The following ZNF407 variants were observed in gnomAD, a reference collection of about 807,000 sequenced individuals.
ZNF407 encodes zinc finger protein 407.
Under a neutral mutation model 131.2 loss-of-function variants are expected in ZNF407, and 17 were observed. The ratio of observed to expected loss-of-function variants is 0.13; its 90% CI spans 0.09 to 0.19. ZNF407 has a LOEUF of 0.19. Ranked by LOEUF, ZNF407 falls within the 10% of genes least tolerant of loss-of-function variation. The pLI is 1.00. For missense variants in ZNF407, 2,681 were observed against 2,830.6 expected, an observed-to-expected ratio of 0.95 and a Z score of 1.20; for synonymous variants, 1,156 against 1,062.0, an observed-to-expected ratio of 1.09 and a Z score of -1.72.
chr18:74,923,747 T>C (rs1463656643), intron 8 of ZNF407, among the ~76,000 whole-genome samples: 3 of 152,204 alleles, frequency 2.0e-5, no homozygotes, highest in Non-Finnish European at 4.4e-5. Flanking sequence ...TTATGAAATA[T>C]TTCTTAGTAG....
At chr18:74,968,749 A>C (rs998338062) in intron 8 of ZNF407, among the ~76,000 whole-genome samples, 2 of 152,124 alleles carry the variant, frequency 1.3e-5, no homozygotes, top group African/African-American at 4.8e-5. Flanking sequence ...TTAATTATGA[A>C]GTGTCTTTAC....
chr18:74,931,838 T>C (rs985282737), intron 8 of ZNF407, among the ~76,000 whole-genome samples: 5 of 152,236 alleles, frequency 3.3e-5, no homozygotes, highest in Non-Finnish European at 5.9e-5. Context: ...TCTGTATATT[T>C]TCTTTGATGA....
intron 4 of ZNF407, among the ~76,000 whole-genome samples, chr18:74,820,214 G>A (rs1041526876): frequency 2.0e-5 from 3 of 152,192 alleles, no homozygotes; most frequent in African/African-American, 4.8e-5. Context: ...GGAGGTTTGC[G>A]TGTGCACAAA....
chr18:74,974,126 C>A (rs975637608), intron 8 of ZNF407, among the ~76,000 whole-genome samples: 1 of 152,138 alleles, frequency 6.6e-6, no homozygotes. Context: ...AATTTGTAAG[C>A]TCTACAACTG....
In ZNF407 at chr18:74,808,423, G is replaced by A. The variant is rs1306123468; in HGVS notation, c.4877+26921G>A. Among the ~76,000 whole-genome samples the A allele has an allele frequency of 3.3e-5, 5 of 152,268 alleles. No individual in the cohort carries two copies. In the East Asian group the frequency reaches 9.6e-4, roughly 29 times the overall value. On this transcript the variant is annotated intron_variant, in intron 4 of 8. Coordinates refer to ENST00000299687, the MANE Select transcript of ZNF407 (RefSeq NM_017757.3). The stretch of plus-strand genomic sequence containing the variant: ...CTATTAAAACGATTGAAACAACAAA[G>A]TCTATAAAGAGTTTGATAATTATTA...
chr18:74,976,625 A>G lies in ZNF407; in HGVS notation c.5428+55933A>G, dbSNP rs184863603. ...GGTAATTTAACAGCCTTTGACTACA[A>G]GGCATCAGTTGTTGTAGATGTCTGC... On this transcript the variant is annotated intron_variant, in intron 8 of 8. Transcript: ENST00000299687. 2.0e-4 allele frequency among the ~76,000 whole-genome samples: 31 copies of G among 152,338 alleles called. 1 individual carries two copies. The highest frequency in any genetic ancestry group is 1.5e-3 in the Admixed American group (23 of 15,312).
At chr18:75,005,991 T>C (rs553198730) in intron 8 of ZNF407, among the ~76,000 whole-genome samples, 1 of 152,254 alleles carries the variant, frequency 6.6e-6, no homozygotes, top group East Asian at 1.9e-4. Flanking sequence ...TTTCCATTTG[T>C]TGAATCTCCG....
chr18:74,831,610 G>T (rs1436124488), intron 4 of ZNF407, among the ~76,000 whole-genome samples: 1 of 152,076 alleles, frequency 6.6e-6, no homozygotes, highest in Non-Finnish European at 1.5e-5. Context: ...CCTTTTTAAG[G>T]CTGAATAATA....
chr18:75,056,246 C>A (rs1289494296), intron 8 of ZNF407, among the ~76,000 whole-genome samples: 1 of 152,150 alleles, frequency 6.6e-6, no homozygotes, highest in East Asian at 1.9e-4. Flanking sequence ...AAAAATAATT[C>A]TTAATCTTGT....
intron 8 of ZNF407, among the ~76,000 whole-genome samples, chr18:74,955,169 G>C (rs1972261693): frequency 6.6e-6 from 1 of 152,136 alleles, no homozygotes; most frequent in Non-Finnish European, 1.5e-5. Context: ...TTAGGGATGG[G>C]CTGAGCTGCA....
chr18:74,867,619 A>G (rs1362246076), intron 4 of ZNF407, among the ~76,000 whole-genome samples: 4 of 152,352 alleles, frequency 2.6e-5, no homozygotes, highest in Non-Finnish European at 4.4e-5. Flanking sequence ...CATGAAATGA[A>G]CTGAGCAGTA....
chr18:74,611,174 G>C (rs777319393), intron 1 of ZNF407, among the ~76,000 whole-genome samples: 1 of 152,166 alleles, frequency 6.6e-6, no homozygotes, highest in Non-Finnish European at 1.5e-5. Context: ...GCAAAACTAT[G>C]AAACTTTCAG....
intron 8 of ZNF407, among the ~76,000 whole-genome samples, chr18:74,938,346 T>C (rs1972061448): frequency 6.6e-6 from 1 of 152,218 alleles, no homozygotes; most frequent in African/African-American, 2.4e-5. Context: ...ATGTAGACTT[T>C]CTGTATCTGC....
At chr18:74,761,953 G>A (rs969716246) in intron 3 of ZNF407, among the ~76,000 whole-genome samples, 1 of 152,064 alleles carries the variant, frequency 6.6e-6, no homozygotes, top group Non-Finnish European at 1.5e-5. Context: ...AGTATTTGTA[G>A]GAAACTGTTT....
intron 3 of ZNF407, among the ~76,000 whole-genome samples, chr18:74,763,938 C>T (rs947445716): frequency 6.6e-6 from 1 of 151,688 alleles, no homozygotes; most frequent in African/African-American, 2.4e-5. Flanking sequence ...TGGTCTCGAT[C>T]TCCTGACCTC....
chr18:74,837,512 TC>T, intron 4 of ZNF407, among the ~76,000 whole-genome samples: 1 of 152,298 alleles, frequency 6.6e-6, no homozygotes, highest in East Asian at 1.9e-4. Context: ...ATCAACCACT[TC>T]TAATATTATT....
chr18:74,867,325 T>G (rs1378242708), intron 4 of ZNF407, among the ~76,000 whole-genome samples: 1 of 152,224 alleles, frequency 6.6e-6, no homozygotes, highest in Non-Finnish European at 1.5e-5. Flanking sequence ...TGGCACGAAT[T>G]GCTGGCAAGA....
At chr18:74,733,824 A>G (rs1968347856) in intron 3 of ZNF407, among the ~76,000 whole-genome samples, 1 of 152,248 alleles carries the variant, frequency 6.6e-6, no homozygotes, top group Non-Finnish European at 1.5e-5. Flanking sequence ...CCATAAAGAC[A>G]TCATCCTGCA....
intron 8 of ZNF407, among the ~76,000 whole-genome samples, chr18:74,942,569 T>C (rs1972111697): frequency 6.6e-6 from 1 of 152,238 alleles, no homozygotes; most frequent in African/African-American, 2.4e-5. Flanking sequence ...TTTAACATTT[T>C]AAAGATGTTA....
Sources: gnomAD v4.1 joint callset for allele counts (sites outside exome capture counted in the v4.1 genomes callset) on GRCh38, gnomAD v4.1.1 for gene constraint, MANE v1.5 for transcripts, NCBI Gene and HGNC (gene_info 2026-07-23, HGNC 2026-07-21) for gene names.